The following SNTB1 variants were observed in gnomAD, a reference collection of about 807,000 sequenced individuals.
SNTB1 encodes beta-1-syntrophin.
A neutral mutation model predicts 48.9 loss-of-function variants in SNTB1; 36 were observed. The observed-to-expected ratio is 0.74, with a 90% CI of 0.56 to 0.97. The LOEUF is 0.97. Ranked by LOEUF, SNTB1 falls within the 50% of genes least tolerant of loss-of-function variation. SNTB1 has a pLI of 0.00. For missense variants in SNTB1, 786 were observed against 703.4 expected (o/e 1.12, Z -1.33); for synonymous variants, 299 against 294.6 (o/e 1.01, Z -0.15).
At chr8:120,549,000 GT>G (rs1815433573) in intron 4 of SNTB1, 42 bp from the exon 5 acceptor site, 1 of 1,479,082 alleles carries the variant, frequency 6.8e-7, no homozygotes, top group African/African-American at 1.4e-5. Context: ...ATGGAGACTA[GT>G]TTATTCACCT....
rs575650460 is a variant in SNTB1 at position 120,674,990 on chromosome 8, G to C, written c.788+18702C>G. ...TTTGCTGAGGCAAACAGAGACAAAG[G>C]TTCCTTTTCGAACAAAGGTATCTTT... On this transcript the variant is annotated intron_variant, in intron 2 of 6. Coordinates refer to ENST00000517992, the MANE Select transcript of SNTB1 (RefSeq NM_021021.4). Among the ~76,000 whole-genome samples, 46 of 152,292 alleles carry C rather than the reference G, an allele frequency of 3.0e-4. 2 individuals are homozygous for C. Among genetic ancestry groups the C allele is most frequent in the Admixed American group, 2.3e-3 (35 of 15,296 alleles).
intron 1 of SNTB1, chr8:120,761,344 C>G (rs1013679977): frequency 6.6e-6 from 1 of 152,226 alleles, no homozygotes; most frequent in African/African-American, 2.4e-5. Context: ...CACAGACTAA[C>G]TTCTAGGCAA....
intron 2 of SNTB1, among the ~76,000 whole-genome samples, chr8:120,661,460 C>G (rs1350297950): frequency 1.3e-5 from 2 of 152,042 alleles, no homozygotes; most frequent in African/African-American, 2.4e-5. Flanking sequence ...AGCCTAGAGT[C>G]CAGATTTCTT....
chr8:120,567,768 T>C (rs1247107756), intron 4 of SNTB1, among the ~76,000 whole-genome samples: 1 of 149,968 alleles, frequency 6.7e-6, no homozygotes, highest in African/African-American at 2.5e-5. Flanking sequence ...GGTGATTAGT[T>C]AGTAGACACA....
In SNTB1 at chr8:120,538,702, T is replaced by TCA; in HGVS notation, c.*174_*175insTG. The TCA allele has an allele frequency of 1.5e-6, 1 of 688,150 alleles. No homozygotes were observed. The highest frequency in any genetic ancestry group is 2.7e-6 in the Non-Finnish European group (1 of 371,124). 42.6% of individuals were successfully genotyped at this position (688,150 alleles called of 1,614,324 possible). On this transcript the variant is annotated 3_prime_UTR_variant, in exon 7 of 7. Coordinates refer to ENST00000517992, the MANE Select transcript of SNTB1 (RefSeq NM_021021.4). ...TCATGGTACTTTCGCAGGGTATCCC[T>TCA]TGTAGTTGCTGAAACTGACAGAGGA...
intron 3 of SNTB1, among the ~76,000 whole-genome samples, chr8:120,585,262 T>A (rs1816121169): frequency 6.6e-6 from 1 of 152,224 alleles, no homozygotes; most frequent in South Asian, 2.1e-4. Context: ...ATAAAGCCAC[T>A]CATGTGGCTC....
At chr8:120,581,940 C>T (rs1277716485) in intron 3 of SNTB1, among the ~76,000 whole-genome samples, 2 of 152,000 alleles carry the variant, frequency 1.3e-5, no homozygotes, top group Non-Finnish European at 1.5e-5. Flanking sequence ...GAGGTTGAGG[C>T]AGGAGAATTG....
At chr8:120,730,125 C>G (rs1818827775) in intron 1 of SNTB1, among the ~76,000 whole-genome samples, 1 of 152,080 alleles carries the variant, frequency 6.6e-6, no homozygotes. Context: ...ATGCCAGGAA[C>G]AGTTCTAATG....
At chr8:120,662,663 A>C (rs1794558339) in intron 2 of SNTB1, among the ~76,000 whole-genome samples, 1 of 152,084 alleles carries the variant, frequency 6.6e-6, no homozygotes. Context: ...CAGCATTCCA[A>C]ACATTTGTTC....
At chr8:120,561,319 CAAAAAA>C (rs1221884195) in intron 4 of SNTB1, among the ~76,000 whole-genome samples, 9 of 45,670 alleles carry the variant, frequency 2.0e-4, no homozygotes, top group African/African-American at 4.2e-4. Flanking sequence ...AACTCCATCT[CAAAAAA>C]AAAAAAAAAA....
chr8:120,778,194 G>A (rs1819769093), intron 1 of SNTB1, among the ~76,000 whole-genome samples: 1 of 152,198 alleles, frequency 6.6e-6, no homozygotes, highest in Non-Finnish European at 1.5e-5. Context: ...TTCGGGCTTA[G>A]ATATGTCTCC....
intron 4 of SNTB1, among the ~76,000 whole-genome samples, chr8:120,572,649 G>C (rs753237922): frequency 1.3e-5 from 2 of 152,198 alleles, no homozygotes; most frequent in Non-Finnish European, 2.9e-5. Context: ...AGCACTATGG[G>C]AGGCCGAGGG....
intron 4 of SNTB1, among the ~76,000 whole-genome samples, chr8:120,569,376 T>A (rs1815805924): frequency 6.6e-6 from 1 of 152,248 alleles, no homozygotes; most frequent in Non-Finnish European, 1.5e-5. Flanking sequence ...AGGCTATTCA[T>A]CTGCTTTACT....
chr8:120,715,801 G>T (rs775809650), intron 1 of SNTB1, among the ~76,000 whole-genome samples: 1 of 151,856 alleles, frequency 6.6e-6, no homozygotes, highest in Non-Finnish European at 1.5e-5. Context: ...TCGTGATGCC[G>T]TCCCACTCAC....
intron 3 of SNTB1, among the ~76,000 whole-genome samples, chr8:120,611,169 G>A (rs1587029805): frequency 6.6e-6 from 1 of 152,176 alleles, no homozygotes; most frequent in African/African-American, 2.4e-5. Context: ...GCTAAACAGA[G>A]TGCATATGAA....
chr8:120,566,430 T>C (rs1815750347), intron 4 of SNTB1, among the ~76,000 whole-genome samples: 1 of 150,186 alleles, frequency 6.7e-6, no homozygotes, highest in South Asian at 2.1e-4. Context: ...ACAGGCTCCA[T>C]CTATGGAACC....
chr8:120,659,576 A>G (rs960481669), intron 2 of SNTB1, among the ~76,000 whole-genome samples: 3 of 152,200 alleles, frequency 2.0e-5, no homozygotes, highest in African/African-American at 7.2e-5. Context: ...ACCTCCTCCC[A>G]TAAATCACAC....
chr8:120,811,775 G>A lies in SNTB1; in HGVS notation c.69C>T (p.Ser23=), dbSNP rs1349377808. ...AGAGGGRAQR[S]GLLEVLVRDR... ...CCCGCACCAAAACTTCCAGCAGCCC[G>A]CTCCGCTGCGCCCGGCCGCCTCCCG... is the stretch of plus-strand genomic sequence containing the variant. The change falls in exon 1 of 7, where the codon AGC becomes AGT. Residue 23 remains serine, a synonymous_variant. Coordinates refer to ENST00000517992, the MANE Select transcript of SNTB1 (RefSeq NM_021021.4). The A allele has an allele frequency of 2.7e-6, 4 of 1,497,064 alleles. No homozygotes were observed. Among genetic ancestry groups the A allele is most frequent in the East Asian group, 5.5e-5 (2 of 36,466 alleles). 92.7% of individuals were successfully genotyped at this position (1,497,064 alleles called of 1,614,324 possible). A position where few individuals can be genotyped will look rare whatever the true frequency, so the allele number is the denominator to read the frequency against.
intron 4 of SNTB1, among the ~76,000 whole-genome samples, chr8:120,563,378 G>A (rs1815695364): frequency 6.6e-6 from 1 of 151,832 alleles, no homozygotes; most frequent in Admixed American, 6.6e-5. Flanking sequence ...GCTGAGGAAT[G>A]AGAATTGCTA....
Sources: allele counts gnomAD v4.1 joint callset (sites outside exome capture counted in the v4.1 genomes callset), GRCh38; gene constraint gnomAD v4.1.1; transcripts MANE v1.5; gene names NCBI Gene and HGNC (gene_info 2026-07-23, HGNC 2026-07-21).